Variants in NEMP2 observed in about 807,000 individuals in gnomAD.
The protein encoded by NEMP2 is UPF0571 transmembrane protein.
A neutral mutation model predicts 54.2 loss-of-function variants in NEMP2; 53 were observed. That is an observed-to-expected ratio of 0.98 (90% CI 0.78 to 1.23). NEMP2 has a LOEUF of 1.23. NEMP2 is among the 50% of genes most tolerant of loss of function. The pLI is 0.00. For synonymous variants in NEMP2, 197 were observed against 190.3 expected (o/e 1.04, Z -0.29); for missense variants, 455 against 511.3 (o/e 0.89, Z 1.06).
chr2:190,484,130 A>C, the NEMP2 span, among the ~76,000 whole-genome samples: 1 of 152,282 alleles, frequency 6.6e-6, no homozygotes, highest in African/African-American at 2.4e-5. Flanking sequence ...ATTGTCACTG[A>C]AGGCTCAGTG....
the NEMP2 span, among the ~76,000 whole-genome samples, chr2:190,613,090 C>A: frequency 6.6e-6 from 1 of 152,084 alleles, no homozygotes; most frequent in South Asian, 2.1e-4. Flanking sequence ...ATCACCAATG[C>A]AAAATTATAA....
chr2:190,622,468 A>G, the NEMP2 span, among the ~76,000 whole-genome samples: 84 of 152,276 alleles, frequency 5.5e-4, 1 homozygote, highest in East Asian at 0.013. Flanking sequence ...ATTTGCATGC[A>G]AAAGAAAGAA....
At chr2:190,574,778 T>TCCTTCCCTCCCTTCCCTCCCTTCCCTC in the NEMP2 span, among the ~76,000 whole-genome samples, 465 of 105,592 alleles carry the variant, frequency 4.4e-3, 5 homozygotes, top group African/African-American at 0.018. Context: ...CTCCCTTCCC[T>TCCTTCCCTCCCTTCCCTCCCTTCCCTC]CCTTCCCTCC....
chr2:190,574,162 C>T, the NEMP2 span, among the ~76,000 whole-genome samples: 1 of 152,054 alleles, frequency 6.6e-6, no homozygotes, highest in South Asian at 2.1e-4. Flanking sequence ...TTATGAAATT[C>T]ACACTTATTC....
chr2:190,456,546 G>A, the NEMP2 span, among the ~76,000 whole-genome samples: 1 of 152,162 alleles, frequency 6.6e-6, no homozygotes, highest in South Asian at 2.1e-4. This position sits in a 1 kb window ranked among gnomAD's most constrained non-coding sequence, Gnocchi z 5.4. Flanking sequence ...GAACCTGCAG[G>A]GCTGATGGCA....
At chr2:190,475,200 G>A in the NEMP2 span, among the ~76,000 whole-genome samples, 9 of 152,114 alleles carry the variant, frequency 5.9e-5, no homozygotes, top group East Asian at 1.2e-3. Flanking sequence ...ACATAGTGTT[G>A]GAAGTTCTGG....
At chr2:190,441,628 T>G in the NEMP2 span, among the ~76,000 whole-genome samples, 2 of 152,134 alleles carry the variant, frequency 1.3e-5, no homozygotes, top group Non-Finnish European at 2.9e-5. Context: ...AGTACTCAGC[T>G]GAAGACTCTA....
At chr2:190,447,514 A>G in the NEMP2 span, among the ~76,000 whole-genome samples, 4 of 152,216 alleles carry the variant, frequency 2.6e-5, no homozygotes, top group African/African-American at 9.7e-5. The surrounding 1 kb of genome is among the most constrained non-coding windows in gnomAD (Gnocchi z 4.5). Flanking sequence ...GCACATATGA[A>G]AAAATGACCT....
At chr2:190,573,704 C>A in the NEMP2 span, among the ~76,000 whole-genome samples, 1 of 152,164 alleles carries the variant, frequency 6.6e-6, no homozygotes, top group African/African-American at 2.4e-5. Context: ...ACCTAGCCTA[C>A]CCTGACTGCT....
chr2:190,636,700 G>A, the NEMP2 span, among the ~76,000 whole-genome samples: 1 of 152,154 alleles, frequency 6.6e-6, no homozygotes, highest in Non-Finnish European at 1.5e-5. Flanking sequence ...CTAAAGTGCT[G>A]AAGTCCAAAA....
downstream of NEMP2, chr2:190,500,758 AAAAGTT>A (rs907841761): frequency 7.8e-5 from 12 of 152,956 alleles, no homozygotes; most frequent in African/African-American, 2.7e-4. The surrounding 1 kb of genome is among the most constrained non-coding windows in gnomAD (Gnocchi z 5.3). Flanking sequence ...AAATAAAGTT[AAAAGTT>A]AAAGTTAAAA....
chr2:190,552,729 A>T, the NEMP2 span, among the ~76,000 whole-genome samples: 1 of 152,064 alleles, frequency 6.6e-6, no homozygotes, highest in Non-Finnish European at 1.5e-5. Flanking sequence ...CAAAAAAAAA[A>T]AAATTCTCTT....
At chr2:190,534,430 G>C (rs13412835) in intron 1 of NEMP2, 129 bp downstream of exon 1, 1 of 1,226,442 alleles carries the variant, frequency 8.2e-7, no homozygotes, top group African/African-American at 1.6e-5. Flanking sequence ...ACCCCAAAGC[G>C]AGAAAAGGGA....
the NEMP2 span, among the ~76,000 whole-genome samples, chr2:190,611,912 G>A: frequency 6.6e-6 from 1 of 152,110 alleles, no homozygotes; most frequent in African/African-American, 2.4e-5. The surrounding 1 kb of genome is among the most constrained non-coding windows in gnomAD (Gnocchi z 5.4). Context: ...ATGCAGATAA[G>A]GTCCGACTTA....
the NEMP2 span, among the ~76,000 whole-genome samples, chr2:190,630,329 T>C: frequency 1.3e-5 from 2 of 152,290 alleles, no homozygotes. The surrounding 1 kb of genome is among the most constrained non-coding windows in gnomAD (Gnocchi z 5.5). Flanking sequence ...GCCATTCTCT[T>C]GCCTCAGCCT....
rs373277956 is a variant in NEMP2, at chr2:190,533,775, A to G, written c.97+784T>C. ...ATCTTTTAAAAGATTTTATGAGGGGAAAAAAAAAAAGAAACAGAAATGTGA... is the reference window on the plus strand; with the variant it reads ...ATCTTTTAAAAGATTTTATGAGGGGGAAAAAAAAAAGAAACAGAAATGTGA... On this transcript the variant is annotated intron_variant, in intron 1 of 8. Coordinates refer to ENST00000409150, the MANE Select transcript of NEMP2 (RefSeq NM_001142645.2). The surrounding 1 kb of genome is among the most constrained non-coding windows in gnomAD (Gnocchi z 4.3). 2.8e-3 allele frequency among the ~76,000 whole-genome samples: 190 copies of G among 68,644 alleles called. 1 individual carries two copies. The highest frequency in any genetic ancestry group is 6.3e-3 in the Middle Eastern group (1 of 160). 45.0% of individuals were successfully genotyped at this position (68,644 alleles called of 152,430 possible).
downstream of NEMP2, chr2:190,500,288 C>G (rs1420531092): frequency 1.9e-6 from 3 of 1,545,422 alleles, no homozygotes; most frequent in Non-Finnish European, 1.8e-6. This position sits in a 1 kb window ranked among gnomAD's most constrained non-coding sequence, Gnocchi z 5.3. Context: ...TGAGGCCCCC[C>G]AGCCAGGATA....
At chr2:190,583,793 C>A in the NEMP2 span, among the ~76,000 whole-genome samples, 1 of 152,302 alleles carries the variant, frequency 6.6e-6, no homozygotes, top group East Asian at 1.9e-4. Context: ...TGCCATGGGA[C>A]ATGTTCATGG....
the NEMP2 span, among the ~76,000 whole-genome samples, chr2:190,559,207 T>C: frequency 7.9e-5 from 12 of 152,348 alleles, no homozygotes; most frequent in East Asian, 2.1e-3. The surrounding 1 kb of genome is among the most constrained non-coding windows in gnomAD (Gnocchi z 4.0). Context: ...TCTGGCTTGA[T>C]TGAATGGCCA....
Sources: gnomAD v4.1 joint callset for allele counts (sites outside exome capture counted in the v4.1 genomes callset) on GRCh38, gnomAD v4.1.1 for gene constraint, Gnocchi (gnomAD v3.1) non-coding constraint, MANE v1.5 for transcripts, NCBI Gene and HGNC (gene_info 2026-07-23, HGNC 2026-07-21) for gene names.